SMARCA2: variants seen among roughly 807,000 people sequenced by gnomAD.
The protein encoded by SMARCA2 is SWI/SNF-related matrix-associated actin-dependent regulator of chromatin subfamily A member 2.
Under a neutral mutation model 199.8 loss-of-function variants are expected in SMARCA2, and 61 were observed. The ratio of observed to expected loss-of-function variants is 0.31; its 90% confidence interval spans 0.25 to 0.38. The LOEUF (loss-of-function observed/expected upper bound fraction) is 0.38. SMARCA2 is among the 10% of genes least tolerant of loss of function. SMARCA2 has a pLI of 1.00. For missense variants in SMARCA2, 1,344 were observed against 2,012.2 expected (o/e 0.67, Z 6.35); for synonymous variants, 935 against 732.0 (o/e 1.28, Z -4.48).
intron 23 of SMARCA2, among the ~76,000 whole-genome samples, chr9:2,109,673 A>G (rs934295000): frequency 4.6e-5 from 7 of 152,230 alleles, no homozygotes; most frequent in Non-Finnish European, 1.0e-4. Flanking sequence ...TCTTGCTAAC[A>G]AGGATAAAAT....
At chr9:2,071,561 G>A (rs764842371) in intron 10 of SMARCA2, among the ~76,000 whole-genome samples, 4 of 152,170 alleles carry the variant, frequency 2.6e-5, no homozygotes, top group Non-Finnish European at 5.9e-5. Flanking sequence ...ATTAGCTACT[G>A]ATCTTGGACT....
At chr9:2,106,939 A>T (rs1166378935) in intron 23 of SMARCA2, among the ~76,000 whole-genome samples, 1 of 152,164 alleles carries the variant, frequency 6.6e-6, no homozygotes, top group Admixed American at 6.5e-5. Context: ...TTGCCCTATT[A>T]ATTGTATGCT....
intron 27 of SMARCA2, among the ~76,000 whole-genome samples, chr9:2,124,561 A>G (rs1232424447): frequency 6.6e-6 from 1 of 152,132 alleles, no homozygotes; most frequent in South Asian, 2.1e-4. Flanking sequence ...GTGGGTGCTT[A>G]TGTGTCTACA....
In SMARCA2 at chr9:2,037,772, T is replaced by A. The variant is rs185775097; in HGVS notation, c.356-1694T>A. 2.0e-3 allele frequency among the ~76,000 whole-genome samples: 298 copies of A among 152,360 alleles called. 1 individual carries two copies. The highest frequency in any genetic ancestry group is 6.8e-3 in the Middle Eastern group (2 of 294). Reference sequence around the variant, plus strand: ...TTAAAGGGCAGAGACTTTTCATCTATGTATGTAATGCCATATTCTGGGACA... The same window carrying A: ...TTAAAGGGCAGAGACTTTTCATCTAAGTATGTAATGCCATATTCTGGGACA... On this transcript the variant is annotated intron_variant, in intron 3 of 33. Coordinates refer to ENST00000349721, the MANE Select transcript of SMARCA2 (RefSeq NM_003070.5).
intron 26 of SMARCA2, among the ~76,000 whole-genome samples, chr9:2,121,098 G>T (rs1823441373): frequency 6.6e-6 from 1 of 152,188 alleles, no homozygotes; most frequent in Non-Finnish European, 1.5e-5. Context: ...CACTGGAGAG[G>T]ACAAGCTGCT....
rs1446667040 is a variant in SMARCA2, at chr9:2,179,966, G to C, written c.4254-1605G>C. ...TGTTTGGGTGTATAAATCTCAGAAT[G>C]GTAGGAAAAGAACAGACCAGAAATT... On this transcript the variant is annotated intron_variant, in intron 29 of 33. Transcript: ENST00000349721. 3.9e-5 allele frequency among the ~76,000 whole-genome samples: 6 copies of C among 152,314 alleles called. No individual in the cohort carries two copies. In the East Asian group the frequency reaches 1.2e-3, roughly 29 times the overall value.
chr9:2,174,058 G>C (rs955288473), intron 29 of SMARCA2, among the ~76,000 whole-genome samples: 1 of 152,072 alleles, frequency 6.6e-6, no homozygotes, highest in African/African-American at 2.4e-5. Flanking sequence ...TTATGCCCAC[G>C]TACAGCAGGT....
rs1374836995 is a variant in SMARCA2 at position 2,186,651 on chromosome 9, G to A, written c.4594+423G>A. 4.6e-5 allele frequency among the ~76,000 whole-genome samples: 7 copies of A among 152,118 alleles called. No homozygotes were observed. The East Asian group carries it at 5.8e-4, about 13-fold the overall frequency. On this transcript the variant is annotated intron_variant, in intron 32 of 33. Transcript: ENST00000349721. Reference sequence around the variant, plus strand: ...AGTGATTCACCTGCCTCAGCCTCCCGAGTAGCTGGAATTACAGGCGTGTGC... The same window carrying A: ...AGTGATTCACCTGCCTCAGCCTCCCAAGTAGCTGGAATTACAGGCGTGTGC...
intron 19 of SMARCA2, among the ~76,000 whole-genome samples, chr9:2,089,384 A>G (rs1157109530): frequency 1.3e-5 from 2 of 152,052 alleles, no homozygotes; most frequent in South Asian, 2.1e-4. Flanking sequence ...TGCATGAGGT[A>G]TTTTGATTTG....
intron 23 of SMARCA2, among the ~76,000 whole-genome samples, chr9:2,106,469 T>A (rs2130564831): frequency 6.6e-6 from 1 of 152,276 alleles, no homozygotes; most frequent in South Asian, 2.1e-4. Context: ...ATGTTACAGA[T>A]GGAATTGAAA....
chr9:2,047,442 A>G lies in SMARCA2; in HGVS notation c.1004A>G (p.Gln335Arg). The G allele has an allele frequency of 6.3e-7, 1 of 1,578,604 alleles. No individual in the cohort carries two copies. Among genetic ancestry groups the G allele is most frequent in the Non-Finnish European group, 8.6e-7 (1 of 1,164,332 alleles). ...CGCATCAGCCCCATCCAGAAACCGCAAGGCCTGGACCCCGTGGAAATTCTG... is the reference window on the plus strand; with the variant it reads ...CGCATCAGCCCCATCCAGAAACCGCGAGGCCTGGACCCCGTGGAAATTCTG... Reference protein sequence around the residue: ...QSRISPIQKPQGLDPVEILQE... With the variant: ...QSRISPIQKPRGLDPVEILQE... The change falls in exon 5 of 34, where the codon CAA (glutamine) becomes CGA (arginine). Residue 335 changes from glutamine (Q) to arginine (R), a missense_variant. Transcript: ENST00000349721.
intron 1 of SMARCA2, among the ~76,000 whole-genome samples, chr9:2,019,057 A>G (rs762119410): frequency 6.6e-6 from 1 of 152,050 alleles, no homozygotes; most frequent in Non-Finnish European, 1.5e-5. Flanking sequence ...GCTTCTTTAC[A>G]ATGCAAATGT....
In SMARCA2 at chr9:2,170,278, T is replaced by C. The variant is rs771976715; in HGVS notation, c.4200-141T>C. The C allele has an allele frequency of 1.4e-4, 142 of 989,962 alleles. No homozygotes were observed. Among genetic ancestry groups the C allele is most frequent in the Non-Finnish European group, 1.9e-4 (128 of 675,346 alleles). 61.3% of individuals were successfully genotyped at this position (989,962 alleles called of 1,614,324 possible). On this transcript the variant is annotated intron_variant, in intron 28 of 33. Transcript: ENST00000349721. This position sits in a 1 kb window ranked among gnomAD's most constrained non-coding sequence, Gnocchi z 4.7. ...ATTTTTCCGAATGAGGTTCCAAACATAACCCCGTGTAATCTTCCTAACAAG... is the reference window on the plus strand; with the variant it reads ...ATTTTTCCGAATGAGGTTCCAAACACAACCCCGTGTAATCTTCCTAACAAG...
intron 27 of SMARCA2, among the ~76,000 whole-genome samples, chr9:2,124,139 A>G (rs1823586056): frequency 6.6e-6 from 1 of 152,210 alleles, no homozygotes; most frequent in South Asian, 2.1e-4. Context: ...GGCGTTCTGC[A>G]CTTCAAGGCG....
intron 27 of SMARCA2, chr9:2,157,723 G>A: frequency 5.1e-6 from 2 of 388,862 alleles, no homozygotes; most frequent in Non-Finnish European, 9.1e-6. Flanking sequence ...AGTTGGCTTG[G>A]GGCTTTTTGT....
At chr9:2,065,583 T>A (rs942859489) in intron 9 of SMARCA2, among the ~76,000 whole-genome samples, 1 of 152,202 alleles carries the variant, frequency 6.6e-6, no homozygotes, top group South Asian at 2.1e-4. Context: ...CCTGTTTAGA[T>A]ACCAGAATGT....
chr9:2,155,127 A>G (rs1006216612), intron 27 of SMARCA2, among the ~76,000 whole-genome samples: 1 of 152,196 alleles, frequency 6.6e-6, no homozygotes, highest in Non-Finnish European at 1.5e-5. Context: ...ATAATTTGGT[A>G]GGGTCTTCAG....
intron 1 of SMARCA2, among the ~76,000 whole-genome samples, chr9:2,021,572 C>A (rs2130132657): frequency 6.6e-6 from 1 of 152,300 alleles, no homozygotes; most frequent in East Asian, 1.9e-4. Flanking sequence ...AGCCCTCTCC[C>A]ATCTTCCCCC....
At chr9:2,037,384 G>C (rs1819380574) in intron 3 of SMARCA2, among the ~76,000 whole-genome samples, 1 of 152,174 alleles carries the variant, frequency 6.6e-6, no homozygotes, top group Non-Finnish European at 1.5e-5. Flanking sequence ...GTAGGGATTT[G>C]TGGAATGAAA....
Sources: allele counts gnomAD v4.1 joint callset (sites outside exome capture counted in the v4.1 genomes callset), GRCh38; gene constraint gnomAD v4.1.1; non-coding constraint Gnocchi (gnomAD v3.1); transcripts MANE v1.5; gene names NCBI Gene and HGNC (gene_info 2026-07-23, HGNC 2026-07-21).